Variants in CDC25C observed in about 807,000 individuals in gnomAD.
CDC25C encodes cell division cycle 25C.
A neutral mutation model predicts 52.5 loss-of-function variants in CDC25C; 48 were observed. The observed-to-expected ratio is 0.91, with a 90% CI of 0.72 to 1.16. The LOEUF is 1.16. Ranked by LOEUF, CDC25C falls within the 50% of genes most tolerant of loss-of-function variation. CDC25C has a pLI of 0.00. For synonymous variants in CDC25C, 187 were observed against 206.5 expected, an observed-to-expected ratio of 0.91 and a Z score of 0.81; for missense variants, 510 against 566.1, an observed-to-expected ratio of 0.90 and a Z score of 1.01.
chr5:138,317,682 TA>T (rs70982706), intron 7 of CDC25C, among the ~76,000 whole-genome samples: 1,964 of 54,198 alleles, frequency 0.036, 27 homozygotes, highest in African/African-American at 0.14. Context: ...CCTGTCTATC[TA>T]AAAAAAAAAA....
chr5:138,319,391 C>A lies in CDC25C; in HGVS notation c.460-17G>T. The A allele has an allele frequency of 6.3e-7, 1 of 1,590,664 alleles. No homozygotes were observed. The highest frequency in any genetic ancestry group is 8.6e-7 in the Non-Finnish European group (1 of 1,167,378). On this transcript the variant is annotated splice_polypyrimidine_tract_variant and intron_variant, in intron 6 of 13. Coordinates refer to ENST00000323760, the MANE Select transcript of CDC25C (RefSeq NM_001790.5). ...TCCATTGTCCTGTCAAGTATATTGA[C>A]AACATTAAAAACTATTCAAAATATA...
At chr5:138,287,483 A>G (rs1273296002) in intron 10 of CDC25C, among the ~76,000 whole-genome samples, 2 of 152,222 alleles carry the variant, frequency 1.3e-5, no homozygotes, top group African/African-American at 2.4e-5. Flanking sequence ...AATAGCTGGC[A>G]CTGACAAGAT....
intron 7 of CDC25C, among the ~76,000 whole-genome samples, chr5:138,294,841 G>T (rs890860242): frequency 6.6e-6 from 1 of 151,864 alleles, no homozygotes. Context: ...TAGAGATGGG[G>T]TTTCACCATG....
At chr5:138,324,354 A>G (rs1008644633) in intron 6 of CDC25C, among the ~76,000 whole-genome samples, 5 of 152,202 alleles carry the variant, frequency 3.3e-5, no homozygotes, top group African/African-American at 1.2e-4. Context: ...TTTTTTAGAA[A>G]TGAATCGGAG....
chr5:138,304,475 G>C (rs1302726012), intron 7 of CDC25C, among the ~76,000 whole-genome samples: 1 of 149,054 alleles, frequency 6.7e-6, no homozygotes, highest in Non-Finnish European at 1.5e-5. Flanking sequence ...TAACACAATG[G>C]CTCCTACTCT....
At chr5:138,301,691 A>AC (rs1757637745) in intron 7 of CDC25C, among the ~76,000 whole-genome samples, 3 of 92,134 alleles carry the variant, frequency 3.3e-5, no homozygotes, top group Non-Finnish European at 4.3e-5. Flanking sequence ...AGAGGTACAC[A>AC]AAAAAAAAAA....
Position 138,309,966 on chromosome 5 carries a change from CA to C in CDC25C, c.615+9252del, listed in dbSNP as rs372301864. 2.8e-4 allele frequency among the ~76,000 whole-genome samples: 43 copies of C among 152,236 alleles called. 2 individuals carry two copies. In the South Asian group the frequency reaches 7.5e-3, roughly 26 times the overall value. ...CAGTGATCCACCTGTCTCGGCCTCCCAAAGTGTTAGGATTACAGGCATGAGC... is the reference window on the plus strand; with the variant it reads ...CAGTGATCCACCTGTCTCGGCCTCCCAAGTGTTAGGATTACAGGCATGAGC... On this transcript the variant is annotated intron_variant, in intron 7 of 13. Transcript: ENST00000323760.
upstream of CDC25C, among the ~76,000 whole-genome samples, chr5:138,334,654 CAA>C (rs2086143312): frequency 6.6e-6 from 1 of 152,164 alleles, no homozygotes; most frequent in Non-Finnish European, 1.5e-5. Context: ...GCCCAGCCAA[CAA>C]AACTCTTAAA....
chr5:138,311,150 G>A (rs1228448224), intron 7 of CDC25C, among the ~76,000 whole-genome samples: 1 of 152,014 alleles, frequency 6.6e-6, no homozygotes, highest in Non-Finnish European at 1.5e-5. Context: ...AATGCACAAG[G>A]GTCCCAATTT....
intron 9 of CDC25C, among the ~76,000 whole-genome samples, chr5:138,290,344 A>G (rs1198524565): frequency 6.6e-6 from 1 of 152,172 alleles, no homozygotes; most frequent in Non-Finnish European, 1.5e-5. Context: ...AAATTTCTTC[A>G]TTTTCTACTT....
Position 138,287,149 on chromosome 5 carries a change from TG to T in CDC25C, c.1026+19del. The T allele has an allele frequency of 6.4e-7, 1 of 1,553,660 alleles. No homozygotes were observed. Among genetic ancestry groups the T allele is most frequent in the Non-Finnish European group, 8.9e-7 (1 of 1,125,170 alleles). ...GTTATCTCCAGCCCTCCCCTACTAA[TG>T]GCCACAATGTCGTCTCACCTGGATG... is the stretch of plus-strand genomic sequence containing the variant. On this transcript the variant is annotated intron_variant, in intron 11 of 13. Transcript: ENST00000323760.
chr5:138,298,163 A>AT (rs34763291), intron 7 of CDC25C, among the ~76,000 whole-genome samples: 65 of 131,612 alleles, frequency 4.9e-4, no homozygotes, highest in African/African-American at 7.7e-4. Context: ...CACACCTTGC[A>AT]TTTTTTTTTT....
upstream of CDC25C, among the ~76,000 whole-genome samples, chr5:138,332,439 T>G (rs1470669949): frequency 6.6e-6 from 1 of 152,148 alleles, no homozygotes; most frequent in Non-Finnish European, 1.5e-5. Flanking sequence ...AGACTCTAGC[T>G]CACGTGGGTA....
chr5:138,292,913 G>C (rs1580714390), intron 7 of CDC25C, among the ~76,000 whole-genome samples: 1 of 152,118 alleles, frequency 6.6e-6, no homozygotes, highest in African/African-American at 2.4e-5. Flanking sequence ...CTCTCACCTA[G>C]AGAACAGGCA....
In CDC25C at chr5:138,331,736, G is replaced by A; in HGVS notation, c.-180C>T. The A allele has an allele frequency of 4.0e-6, 4 of 989,184 alleles. No homozygotes were observed. The highest frequency in any genetic ancestry group is 4.8e-6 in the Non-Finnish European group (4 of 832,094). 61.3% of individuals were successfully genotyped at this position (989,184 alleles called of 1,614,324 possible). A position where few individuals can be genotyped will look rare whatever the true frequency, so the allele number is the denominator to read the frequency against. On this transcript the variant is annotated 5_prime_UTR_variant, in exon 1 of 14. Coordinates refer to ENST00000323760, the MANE Select transcript of CDC25C (RefSeq NM_001790.5). ...AGATTGCAGCTCTGCCTTCCGACTG[G>A]GTAGGCCAACGTCGGACTCAGAGTC...
rs1759149973 is a variant in CDC25C at position 138,319,260 on chromosome 5, C to T, written c.574G>A (p.Asp192Asn). ...LGEDQAEEIS[D>N]ELMEFSLKDQ... ...TTCAGGGAAAACTCCATTAATTCAT[C>T]TGAAATCTCTTCTGCCTGGTCTTCT... Residue 192 changes from aspartate to asparagine, a missense_variant, in exon 7 of 14, where the codon GAT (aspartate) becomes AAT (asparagine). Physicochemically the swap from Asp to Asn is conservative, Grantham distance 23. Coordinates refer to ENST00000323760, the MANE Select transcript of CDC25C (RefSeq NM_001790.5). 6.2e-7 allele frequency: 1 copy of T among 1,613,646 alleles called. No individual in the cohort carries two copies. Among genetic ancestry groups the T allele is most frequent in the Admixed American group, 1.7e-5 (1 of 59,972 alleles).
intron 7 of CDC25C, among the ~76,000 whole-genome samples, chr5:138,298,448 T>A (rs970660832): frequency 6.6e-6 from 1 of 152,140 alleles, no homozygotes; most frequent in Admixed American, 6.6e-5. Context: ...ATAGACAATA[T>A]GCCTGAACAT....
At chr5:138,316,726 T>C (rs566926164) in intron 7 of CDC25C, among the ~76,000 whole-genome samples, 25 of 152,174 alleles carry the variant, frequency 1.6e-4, no homozygotes, top group African/African-American at 4.8e-4. Flanking sequence ...AGCTATGCTG[T>C]CTGCTGAAAG....
intron 7 of CDC25C, among the ~76,000 whole-genome samples, chr5:138,316,301 C>A (rs768073616): frequency 2.9e-4 from 44 of 152,296 alleles, no homozygotes; most frequent in Non-Finnish European, 4.1e-4. Context: ...AGTCCGGGGG[C>A]GGATCTGTGT....
Sources: gnomAD v4.1 joint callset for allele counts (sites outside exome capture counted in the v4.1 genomes callset) on GRCh38, gnomAD v4.1.1 for gene constraint, MANE v1.5 for transcripts, NCBI Gene and HGNC (gene_info 2026-07-23, HGNC 2026-07-21) for gene names.